MFSD8: variants seen among roughly 807,000 people sequenced by gnomAD.
The protein encoded by MFSD8 is major facilitator superfamily domain-containing protein 8.
In MFSD8, 55 loss-of-function variants were observed where a neutral mutation model predicts 66.4. The ratio of observed to expected loss-of-function variants is 0.83; its 90% confidence interval spans 0.67 to 1.04. MFSD8 has a LOEUF of 1.04. MFSD8 is among the 50% of genes least tolerant of loss of function. MFSD8 has a pLI of 0.00. For synonymous variants in MFSD8, 202 were observed against 212.8 expected (o/e 0.95, Z 0.44); for missense variants, 550 against 627.6 (o/e 0.88, Z 1.32).
At chr4:127,934,996 T>A (rs1738825349) in intron 7 of MFSD8, among the ~76,000 whole-genome samples, 1 of 152,232 alleles carries the variant, frequency 6.6e-6, no homozygotes, top group African/African-American at 2.4e-5. Context: ...ATTTTTTTCA[T>A]AATAATGCCT....
intron 9 of MFSD8, among the ~76,000 whole-genome samples, chr4:127,925,879 C>T (rs1737117469): frequency 6.6e-6 from 1 of 152,098 alleles, no homozygotes; most frequent in Non-Finnish European, 1.5e-5. Flanking sequence ...GAAAATGTAG[C>T]ACATATACAC....
At chr4:127,948,233 G>A (rs1741398719) in intron 3 of MFSD8, among the ~76,000 whole-genome samples, 2 of 152,112 alleles carry the variant, frequency 1.3e-5, no homozygotes, top group East Asian at 1.9e-4. Flanking sequence ...TGATGGTCAG[G>A]CGGTTGTTAA....
At chr4:127,927,177 T>G (rs981164794) in intron 9 of MFSD8, among the ~76,000 whole-genome samples, 10 of 142,792 alleles carry the variant, frequency 7.0e-5, no homozygotes, top group Non-Finnish European at 1.2e-4. Flanking sequence ...ATTAAATGTT[T>G]TTTTTTTTTT....
chr4:127,954,490 C>T (rs1276971824), intron 2 of MFSD8, among the ~76,000 whole-genome samples: 3 of 152,178 alleles, frequency 2.0e-5, no homozygotes, highest in Non-Finnish European at 2.9e-5. Context: ...GTGGCACACA[C>T]CTGCAGTCCC....
intron 9 of MFSD8, among the ~76,000 whole-genome samples, chr4:127,923,205 C>A (rs1032693165): frequency 1.3e-5 from 2 of 152,072 alleles, no homozygotes; most frequent in African/African-American, 4.8e-5. Context: ...TGTCTTGTGC[C>A]GGTTTTCAAA....
intron 3 of MFSD8, among the ~76,000 whole-genome samples, chr4:127,947,885 C>A (rs1741327842): frequency 6.7e-6 from 1 of 149,008 alleles, no homozygotes; most frequent in Non-Finnish European, 1.5e-5. Context: ...CACACACACA[C>A]ACACACACAC....
At chr4:127,925,906 G>T (rs1016428643) in intron 9 of MFSD8, among the ~76,000 whole-genome samples, 1 of 152,124 alleles carries the variant, frequency 6.6e-6, no homozygotes, top group Non-Finnish European at 1.5e-5. Context: ...AAACTATGCA[G>T]CCATAAAAAA....
intron 7 of MFSD8, among the ~76,000 whole-genome samples, chr4:127,934,084 C>T (rs1578858034): frequency 6.6e-6 from 1 of 151,996 alleles, no homozygotes; most frequent in Non-Finnish European, 1.5e-5. Flanking sequence ...ACTAAAAATA[C>T]AAAAAAGAAT....
chr4:127,924,553 A>G (rs1736884049), intron 9 of MFSD8, among the ~76,000 whole-genome samples: 1 of 152,186 alleles, frequency 6.6e-6, no homozygotes, highest in Non-Finnish European at 1.5e-5. Context: ...GGACCTCTTC[A>G]AGGAGAACTA....
chr4:127,921,066 G>T, intron 11 of MFSD8: 1 of 579,162 alleles, frequency 1.7e-6, no homozygotes, highest in Admixed American at 3.1e-5. Context: ...TGAAGCCCTG[G>T]GAATAATAAA....
Position 127,943,736 on chromosome 4 carries a change from A to C in MFSD8, c.439+16T>G. ...ATGTGAATATGACACAACCAAACATATACATACAACCTTACCTGCTCCAAT... is the reference window on the plus strand; with the variant it reads ...ATGTGAATATGACACAACCAAACATCTACATACAACCTTACCTGCTCCAAT... On this transcript the variant is annotated intron_variant, in intron 4 of 11. Transcript: ENST00000641686. 1 of 1,614,062 alleles carries C rather than the reference A, an allele frequency of 6.2e-7. No individual in the cohort carries two copies. The highest frequency in any genetic ancestry group is 8.5e-7 in the Non-Finnish European group (1 of 1,180,006).
chr4:127,962,061 A>G (rs948150898), intron 1 of MFSD8, among the ~76,000 whole-genome samples: 1 of 152,186 alleles, frequency 6.6e-6, no homozygotes, highest in Non-Finnish European at 1.5e-5. Flanking sequence ...ACAACAATAA[A>G]ACAACTGTTG....
At chr4:127,957,725 C>T (rs1743129484) in intron 1 of MFSD8, 133 bp from the exon 2 acceptor site, 1 of 642,424 alleles carries the variant, frequency 1.6e-6, no homozygotes, top group South Asian at 2.0e-5. Flanking sequence ...TTCTGCTACA[C>T]TAATTTATCT....
chr4:127,931,320 A>T (rs969270715), intron 8 of MFSD8, among the ~76,000 whole-genome samples: 4 of 151,992 alleles, frequency 2.6e-5, no homozygotes, highest in African/African-American at 9.7e-5. Context: ...TTCGATCTCT[A>T]TTAACTGACT....
intron 5 of MFSD8, among the ~76,000 whole-genome samples, chr4:127,941,452 G>A (rs906881672): frequency 6.6e-6 from 1 of 152,042 alleles, no homozygotes; most frequent in Admixed American, 6.6e-5. Context: ...TTGCCTTGAG[G>A]AAATACTAAA....
intron 9 of MFSD8, among the ~76,000 whole-genome samples, chr4:127,930,226 C>T (rs374225774): frequency 6.6e-5 from 10 of 151,734 alleles, no homozygotes; most frequent in African/African-American, 2.2e-4. Flanking sequence ...GGTAACAATA[C>T]GAGACCTTGT....
At chr4:127,958,691 A>T (rs1425493376) in intron 1 of MFSD8, among the ~76,000 whole-genome samples, 1 of 152,200 alleles carries the variant, frequency 6.6e-6, no homozygotes, top group Non-Finnish European at 1.5e-5. Context: ...AGATGCCCAT[A>T]CTTTGAAATC....
chr4:127,961,150 T>G (rs893817400), intron 1 of MFSD8, among the ~76,000 whole-genome samples: 4 of 152,204 alleles, frequency 2.6e-5, no homozygotes, highest in African/African-American at 4.8e-5. Context: ...GAAAAGTTGG[T>G]GGTGACCTAG....
rs946570102 is a variant in MFSD8, at chr4:127,940,110, A to G, written c.554-113T>C. 6 of 1,022,374 alleles carry G rather than the reference A, an allele frequency of 5.9e-6. No individual in the cohort carries two copies. In the African/African-American group the frequency reaches 6.5e-5, roughly 11 times the overall value. The allele number at this position is 1,022,374 out of a possible 1,614,324, so 63.3% of individuals were successfully genotyped here. ...AACAATGTTATGGAATCATCCTTCT[A>G]TATCATGCATTCTCAACAGATGGAA... On this transcript the variant is annotated intron_variant, in intron 5 of 11. Coordinates refer to ENST00000641686, the MANE Select transcript of MFSD8 (RefSeq NM_001371596.2).
Sources: gnomAD v4.1 joint callset for allele counts (sites outside exome capture counted in the v4.1 genomes callset) on GRCh38, gnomAD v4.1.1 for gene constraint, MANE v1.5 for transcripts, NCBI Gene and HGNC (gene_info 2026-07-23, HGNC 2026-07-21) for gene names.